The following ANKRD11 variants were observed in gnomAD, a reference collection of about 807,000 sequenced individuals.
The protein encoded by ANKRD11 is ankyrin repeat domain-containing protein 11.
A neutral mutation model predicts 195.7 loss-of-function variants in ANKRD11; 17 were observed. The observed-to-expected ratio is 0.09, with a 90% CI of 0.06 to 0.13. The LOEUF (loss-of-function observed/expected upper bound fraction) is 0.13, where lower values mean the gene tolerates loss of function less well. Ranked by LOEUF, ANKRD11 falls within the 10% of genes least tolerant of loss-of-function variation. The pLI is 1.00. For synonymous variants in ANKRD11, 1,953 were observed against 1,528.1 expected (o/e 1.28, Z -6.49); for missense variants, 3,735 against 3,566.1 (o/e 1.05, Z -1.21).
intron 2 of ANKRD11, among the ~76,000 whole-genome samples, chr16:89,365,656 T>C (rs76862507): frequency 0.042 from 6,339 of 152,300 alleles, 329 homozygotes; most frequent in African/African-American, 0.12. Context: ...GGGGGCCTTT[T>C]ACCGCAATTC....
At position 89,280,335 on chromosome 16, in the gene ANKRD11, G is replaced by A. The variant is rs760312895; in HGVS notation, c.6207C>T (p.Cys2069=). ...PSGLESFFSN[C]KSLPEAPLDV... ...CCAGCGGGGCTTCCGGAAGTGACTTGCAGTTGCTGAAGAAGGACTCCAGCC... is the reference window on the plus strand; with the variant it reads ...CCAGCGGGGCTTCCGGAAGTGACTTACAGTTGCTGAAGAAGGACTCCAGCC... Residue 2069 remains cysteine, a synonymous_variant, in exon 9 of 13, where the codon TGC becomes TGT. Coordinates refer to ENST00000301030, the MANE Select transcript of ANKRD11 (RefSeq NM_013275.6). The A allele has an allele frequency of 1.3e-6, 2 of 1,580,480 alleles. No homozygotes were observed. Among genetic ancestry groups the A allele is most frequent in the South Asian group, 2.3e-5 (2 of 88,006 alleles).
chr16:89,334,152 A>AG (rs2038214693), intron 2 of ANKRD11, among the ~76,000 whole-genome samples: 1 of 133,248 alleles, frequency 7.5e-6, no homozygotes, highest in Non-Finnish European at 1.6e-5. Flanking sequence ...TTTAAAAAAA[A>AG]AAAAAAAAAA....
At chr16:89,441,767 C>CAAAAAAAA (rs57747159) in intron 1 of ANKRD11, among the ~76,000 whole-genome samples, 2,274 of 52,200 alleles carry the variant, frequency 0.044, 563 homozygotes, top group East Asian at 0.051. Flanking sequence ...ACTCCGCCTA[C>CAAAAAAAA]AAAAAAAAAA....
At position 89,422,322 on chromosome 16, in the gene ANKRD11, C is replaced by T. The variant is rs975320638; in HGVS notation, c.-144-3954G>A. ...ACTGAGACCCTAAGAATATCCAAAC[C>T]ATTAAAAGAATTTTTTTACAGAATT... On this transcript the variant is annotated intron_variant, in intron 1 of 12. Coordinates refer to ENST00000301030, the MANE Select transcript of ANKRD11 (RefSeq NM_013275.6). 9.8e-4 allele frequency: 149 copies of T among 152,082 alleles called. 1 individual carries two copies. The highest frequency in any genetic ancestry group is 3.4e-3 in the African/African-American group (139 of 41,452). 9.4% of individuals were successfully genotyped at this position (152,082 alleles called of 1,614,324 possible).
chr16:89,318,175 G>A (rs958671107), intron 2 of ANKRD11, among the ~76,000 whole-genome samples: 1 of 152,104 alleles, frequency 6.6e-6, no homozygotes, highest in African/African-American at 2.4e-5. Context: ...TCCCAGCCTC[G>A]TCCTGGTCTC....
In ANKRD11 at chr16:89,281,507, A is replaced by G. The variant is rs1284072857; in HGVS notation, c.5035T>C (p.Trp1679Arg). The change falls in exon 9 of 13, where the codon TGG becomes CGG. Residue 1679 changes from tryptophan (W) to arginine (R), a missense_variant. By Grantham distance (101) the Trp-to-Arg change is moderately radical (BLOSUM62 -3). Coordinates refer to ENST00000301030, the MANE Select transcript of ANKRD11 (RefSeq NM_013275.6). The surrounding 1 kb of genome is among the most constrained non-coding windows in gnomAD (Gnocchi z 5.5). ...TCTTTCATGTGAGGGCCTGCCAGCC[A>G]GTCTTTGGAGTCTGCACCTGATGCT... ...HPASGADSKD[W>R]LAGPHMKEVL... is the part of the protein sequence containing the mutation. The G allele has an allele frequency of 6.2e-7, 1 of 1,614,208 alleles. No homozygotes were observed. The highest frequency in any genetic ancestry group is 1.7e-5 in the Admixed American group (1 of 60,030).
intron 12 of ANKRD11, chr16:89,270,331 T>G: frequency 6.2e-6 from 1 of 160,102 alleles, no homozygotes; most frequent in East Asian, 1.2e-4. Flanking sequence ...GACTGTAAAG[T>G]TCTGTAACTT....
intron 4 of ANKRD11, 71 bp downstream of exon 4, chr16:89,305,135 G>A (rs761178508): frequency 4.6e-5 from 73 of 1,581,900 alleles, no homozygotes; most frequent in Non-Finnish European, 5.6e-5. Context: ...GCGGGGGCCA[G>A]GGACGCCCTG....
intron 2 of ANKRD11, among the ~76,000 whole-genome samples, chr16:89,362,612 C>G (rs2039779675): frequency 6.6e-6 from 1 of 152,222 alleles, no homozygotes; most frequent in African/African-American, 2.4e-5. Context: ...ATAGTAACTT[C>G]TCTTAAAAGC....
intron 2 of ANKRD11, among the ~76,000 whole-genome samples, chr16:89,334,611 C>CAGA (rs905367582): frequency 6.6e-6 from 1 of 152,084 alleles, no homozygotes; most frequent in Non-Finnish European, 1.5e-5. Flanking sequence ...GACCCTGACC[C>CAGA]AGAGCAAGCA....
chr16:89,318,843 C>T lies in ANKRD11; in HGVS notation c.-59-1765G>A, dbSNP rs117158547. On this transcript the variant is annotated intron_variant, in intron 2 of 12. Transcript: ENST00000301030. Reference sequence around the variant, plus strand: ...ATTCACTGCCTGACACCTCCACCCGCGGTGCAGGTGAGCAGGTGTTTCCAT... The same window carrying T: ...ATTCACTGCCTGACACCTCCACCCGTGGTGCAGGTGAGCAGGTGTTTCCAT... 8.4e-3 allele frequency among the ~76,000 whole-genome samples: 1,280 copies of T among 152,330 alleles called. 8 individuals carry two copies. Among genetic ancestry groups the T allele is most frequent in the Non-Finnish European group, 0.014 (975 of 68,032 alleles).
chr16:89,435,150 G>A (rs1207263901), intron 1 of ANKRD11, among the ~76,000 whole-genome samples: 1 of 152,156 alleles, frequency 6.6e-6, no homozygotes, highest in Admixed American at 6.5e-5. Context: ...TCTAGCTAAA[G>A]GTTTCTAAAC....
intron 2 of ANKRD11, among the ~76,000 whole-genome samples, chr16:89,416,578 G>C (rs1056019705): frequency 6.6e-6 from 1 of 152,108 alleles, no homozygotes; most frequent in Non-Finnish European, 1.5e-5. Flanking sequence ...GATTACAGGC[G>C]TGAGCCACTG....
At chr16:89,322,348 G>C (rs1034233468) in intron 2 of ANKRD11, among the ~76,000 whole-genome samples, 1 of 152,196 alleles carries the variant, frequency 6.6e-6, no homozygotes, top group Non-Finnish European at 1.5e-5. Flanking sequence ...AGGCCTTTAC[G>C]TACGTCCTGG....
chr16:89,474,758 G>A (rs1436337617), intron 1 of ANKRD11, among the ~76,000 whole-genome samples: 2 of 152,096 alleles, frequency 1.3e-5, no homozygotes, highest in Non-Finnish European at 2.9e-5. Flanking sequence ...TATATTCCAA[G>A]TTTTTTATAA....
chr16:89,326,763 C>CA (rs2037746673), intron 2 of ANKRD11, among the ~76,000 whole-genome samples: 1 of 151,932 alleles, frequency 6.6e-6, no homozygotes, highest in African/African-American at 2.4e-5. Flanking sequence ...AACCCCAAAC[C>CA]AAAAAAACAC....
chr16:89,413,807 C>T (rs987232996), intron 2 of ANKRD11, among the ~76,000 whole-genome samples: 4 of 152,132 alleles, frequency 2.6e-5, no homozygotes, highest in African/African-American at 9.7e-5. Context: ...ACTCTGCACT[C>T]CCACAACGCC....
At position 89,281,328 on chromosome 16, in the gene ANKRD11, G is replaced by A. The variant is rs2034221770; in HGVS notation, c.5214C>T (p.Asp1738=). Residue 1738 remains aspartate (D), a synonymous_variant, in exon 9 of 13, where the codon GAC becomes GAT. Transcript: ENST00000301030. The surrounding 1 kb of genome is among the most constrained non-coding windows in gnomAD (Gnocchi z 5.5). ...GCGTGGAGTGCTGCGAGTCGGCGCA[G>A]TCGAACACGAGGTCCGCGTAGTCAT... ...SADDYADLVF[D]CADSQHSTPV... is the part of the protein sequence containing the mutation. The A allele has an allele frequency of 5.0e-6, 8 of 1,613,764 alleles. No homozygotes were observed. The highest frequency in any genetic ancestry group is 6.8e-6 in the Non-Finnish European group (8 of 1,179,734).
chr16:89,458,527 TA>T (rs750425228), intron 1 of ANKRD11, among the ~76,000 whole-genome samples: 2 of 152,204 alleles, frequency 1.3e-5, no homozygotes, highest in Non-Finnish European at 2.9e-5. Context: ...CCCGGCCACG[TA>T]ATTTCATTTC....
Sources: gnomAD v4.1 joint callset for allele counts (sites outside exome capture counted in the v4.1 genomes callset) on GRCh38, gnomAD v4.1.1 for gene constraint, Gnocchi (gnomAD v3.1) non-coding constraint, MANE v1.5 for transcripts, NCBI Gene and HGNC (gene_info 2026-07-23, HGNC 2026-07-21) for gene names.